CMSS1: variants seen among roughly 807,000 people sequenced by gnomAD.
CMSS1 encodes cms1 ribosomal small subunit homolog, also known as protein CMSS1.
In CMSS1, 33 loss-of-function variants were observed where a neutral mutation model predicts 43.5. The observed-to-expected ratio is 0.76, with a 90% CI of 0.57 to 1.01. The LOEUF is 1.01. CMSS1 is among the 50% of genes least tolerant of loss of function. The pLI, the probability that CMSS1 is intolerant of heterozygous loss-of-function variation, is 0.00. For synonymous variants in CMSS1, 115 were observed against 117.2 expected (o/e 0.98, Z 0.12); for missense variants, 313 against 326.4 (o/e 0.96, Z 0.32).
chr3:99,971,884 CT>C (rs1293690322), intron 1 of CMSS1, among the ~76,000 whole-genome samples: 1 of 152,146 alleles, frequency 6.6e-6, no homozygotes, highest in Admixed American at 6.5e-5. Flanking sequence ...CCTATATACT[CT>C]TTTGGTAGGA....
At chr3:99,834,243 T>G (rs2107490892) in intron 1 of CMSS1, among the ~76,000 whole-genome samples, 1 of 152,374 alleles carries the variant, frequency 6.6e-6, no homozygotes, top group South Asian at 2.1e-4. Flanking sequence ...GCTGTTTGAT[T>G]TTATTAGCTC....
At chr3:99,955,649 A>G (rs1412034605) in intron 1 of CMSS1, among the ~76,000 whole-genome samples, 1 of 152,220 alleles carries the variant, frequency 6.6e-6, no homozygotes, top group Admixed American at 6.5e-5. Flanking sequence ...AGTCTTGCCT[A>G]TCAAACTCTT....
At chr3:100,006,785 A>G (rs7649349) in intron 1 of CMSS1, among the ~76,000 whole-genome samples, 88,794 of 152,068 alleles carry the variant, frequency 0.58, 26,083 homozygotes, top group East Asian at 0.72. Flanking sequence ...GTAAATTAAT[A>G]ATTGCGGCAT....
chr3:100,050,129 A>G (rs1447481077), intron 1 of CMSS1, among the ~76,000 whole-genome samples: 1 of 152,198 alleles, frequency 6.6e-6, no homozygotes, highest in African/African-American at 2.4e-5. Flanking sequence ...ATCATGGGGT[A>G]GTGTTCGGGG....
intron 1 of CMSS1, among the ~76,000 whole-genome samples, chr3:99,878,083 G>A (rs893102557): frequency 1.3e-5 from 2 of 152,146 alleles, no homozygotes; most frequent in African/African-American, 2.4e-5. Context: ...GAGGATTAGG[G>A]CTTCTACTCC....
chr3:100,164,320 G>A (rs909932714), intron 4 of CMSS1, among the ~76,000 whole-genome samples: 1 of 152,198 alleles, frequency 6.6e-6, no homozygotes, highest in African/African-American at 2.4e-5. Flanking sequence ...AACTTAGGAA[G>A]GATTTGTGAG....
chr3:99,971,089 G>A (rs1193877791), intron 1 of CMSS1, among the ~76,000 whole-genome samples: 2 of 152,198 alleles, frequency 1.3e-5, no homozygotes, highest in Admixed American at 1.3e-4. Flanking sequence ...TGTAATCCCA[G>A]CACTTTGGGA....
At chr3:99,891,735 T>TTA (rs1384394106) in intron 1 of CMSS1, among the ~76,000 whole-genome samples, 7 of 152,184 alleles carry the variant, frequency 4.6e-5, no homozygotes, top group South Asian at 2.1e-4. Flanking sequence ...GAGTTTTAGC[T>TTA]TAACCCAGTA....
intron 1 of CMSS1, chr3:99,850,872 C>T: frequency 6.2e-7 from 1 of 1,614,166 alleles, no homozygotes; most frequent in Non-Finnish European, 8.5e-7. Flanking sequence ...TATGTGTTTC[C>T]TTTGCATTTG....
At chr3:99,960,510 G>T (rs1035368165) in intron 1 of CMSS1, among the ~76,000 whole-genome samples, 2 of 152,186 alleles carry the variant, frequency 1.3e-5, no homozygotes, top group African/African-American at 4.8e-5. Flanking sequence ...GAATATAAAA[G>T]ATTACAGCGT....
intron 1 of CMSS1, among the ~76,000 whole-genome samples, chr3:100,096,383 G>A (rs532626269): frequency 6.6e-6 from 1 of 152,296 alleles, no homozygotes; most frequent in South Asian, 2.1e-4. Flanking sequence ...ACAGATGAAT[G>A]GATAAAGAAA....
At chr3:99,940,464 C>T (rs1707819242) in intron 1 of CMSS1, among the ~76,000 whole-genome samples, 1 of 152,164 alleles carries the variant, frequency 6.6e-6, no homozygotes, top group South Asian at 2.1e-4. Flanking sequence ...CCGTTTGGAC[C>T]TTGGAGCCAG....
At chr3:99,890,739 T>C (rs553890663) in intron 1 of CMSS1, among the ~76,000 whole-genome samples, 9 of 152,216 alleles carry the variant, frequency 5.9e-5, no homozygotes, top group African/African-American at 1.2e-4. Context: ...TTTTTTTTTT[T>C]CTGACATATT....
intron 1 of CMSS1, among the ~76,000 whole-genome samples, chr3:100,115,388 ATC>A (rs2066550384): frequency 6.6e-6 from 1 of 152,198 alleles, no homozygotes; most frequent in African/African-American, 2.4e-5. Context: ...TCAAAATTGA[ATC>A]TGAGTTACTC....
At chr3:100,082,650 G>T (rs1325441527) in intron 1 of CMSS1, among the ~76,000 whole-genome samples, 1 of 152,056 alleles carries the variant, frequency 6.6e-6, no homozygotes, top group Non-Finnish European at 1.5e-5. Flanking sequence ...ACTATTTTTT[G>T]GTTATAGTCG....
intron 1 of CMSS1, among the ~76,000 whole-genome samples, chr3:100,104,053 G>A (rs370812824): frequency 6.6e-6 from 1 of 152,172 alleles, no homozygotes; most frequent in East Asian, 1.9e-4. Context: ...GGGGCTTCTA[G>A]CCATCCACTG....
chr3:99,972,876 A>T (rs2107720267), intron 1 of CMSS1, among the ~76,000 whole-genome samples: 1 of 152,332 alleles, frequency 6.6e-6, no homozygotes, highest in Admixed American at 6.5e-5. Context: ...TTCATGTTAG[A>T]TGTAAATAAT....
At chr3:100,099,837 A>G (rs1460148875) in intron 1 of CMSS1, among the ~76,000 whole-genome samples, 1 of 152,212 alleles carries the variant, frequency 6.6e-6, no homozygotes, top group Non-Finnish European at 1.5e-5. Flanking sequence ...AAGTATCATA[A>G]GTATGCAGCG....
intron 1 of CMSS1, among the ~76,000 whole-genome samples, chr3:99,828,019 A>G (rs1042857300): frequency 6.6e-6 from 1 of 152,242 alleles, no homozygotes; most frequent in Non-Finnish European, 1.5e-5. Context: ...GACATGGGAG[A>G]AAACAATTTT....
Sources: gnomAD v4.1 joint callset for allele counts (sites outside exome capture counted in the v4.1 genomes callset) on GRCh38, gnomAD v4.1.1 for gene constraint, MANE v1.5 for transcripts, NCBI Gene and HGNC (gene_info 2026-07-23, HGNC 2026-07-21) for gene names.